The following CACNB2 variants were observed in gnomAD, a reference collection of about 807,000 sequenced individuals.
The protein encoded by CACNB2 is voltage-dependent L-type calcium channel subunit beta-2.
CACNB2 carries 42 observed loss-of-function variants against 73.3 expected under a neutral mutation model. The ratio of observed to expected loss-of-function variants is 0.57; its 90% CI spans 0.45 to 0.74. The LOEUF (loss-of-function observed/expected upper bound fraction) is 0.74, where lower values mean the gene tolerates loss of function less well. Ranked by LOEUF, CACNB2 falls within the 30% of genes least tolerant of loss-of-function variation. CACNB2 has a pLI of 0.00. For synonymous variants in CACNB2, 348 were observed against 310.3 expected (o/e 1.12, Z -1.28); for missense variants, 940 against 853.0 (o/e 1.10, Z -1.27).
intron 2 of CACNB2, among the ~76,000 whole-genome samples, chr10:18,351,274 T>A (rs1034876662): frequency 5.9e-5 from 9 of 152,152 alleles, no homozygotes; most frequent in Non-Finnish European, 1.3e-4. Flanking sequence ...ATATTCTGTA[T>A]CCCGTCATCA....
chr10:18,425,328 T>G (rs1414623318), intron 3 of CACNB2, among the ~76,000 whole-genome samples: 1 of 152,212 alleles, frequency 6.6e-6, no homozygotes, highest in Non-Finnish European at 1.5e-5. Flanking sequence ...GTCCGATGTA[T>G]CTATCTTTTC....
intron 2 of CACNB2, among the ~76,000 whole-genome samples, chr10:18,291,374 A>G (rs1016794286): frequency 1.3e-5 from 2 of 152,196 alleles, no homozygotes; most frequent in Non-Finnish European, 2.9e-5. Context: ...TGAACAGCCG[A>G]GAGAGGAACA....
chr10:18,167,044 C>T (rs1234362242), intron 2 of CACNB2, among the ~76,000 whole-genome samples: 15 of 152,192 alleles, frequency 9.9e-5, no homozygotes, highest in South Asian at 2.1e-4. Flanking sequence ...GGCTGGCCCT[C>T]CAGCCTCCCT....
chr10:18,179,657 G>A (rs559377377), intron 2 of CACNB2, among the ~76,000 whole-genome samples: 2 of 151,264 alleles, frequency 1.3e-5, no homozygotes, highest in South Asian at 2.1e-4. Context: ...TTAGCACTGT[G>A]TGCTTTAGTT....
chr10:18,500,155 G>C (rs1286488628), intron 4 of CACNB2, among the ~76,000 whole-genome samples: 1 of 152,156 alleles, frequency 6.6e-6, no homozygotes, highest in African/African-American at 2.4e-5. Context: ...CTGAAAGGGG[G>C]ATCTTTCCAC....
chr10:18,464,641 A>G (rs1335607548), intron 3 of CACNB2, among the ~76,000 whole-genome samples: 1 of 152,014 alleles, frequency 6.6e-6, no homozygotes, highest in Non-Finnish European at 1.5e-5. Context: ...TGTTGTTTCT[A>G]TAATAACTCT....
At chr10:18,290,668 T>TC (rs1414596610) in intron 2 of CACNB2, among the ~76,000 whole-genome samples, 1 of 152,240 alleles carries the variant, frequency 6.6e-6, no homozygotes, top group Admixed American at 6.5e-5. Flanking sequence ...CCAAATGTTT[T>TC]CTTGGTAGCA....
chr10:18,275,289 T>A (rs1488423049), intron 2 of CACNB2, among the ~76,000 whole-genome samples: 1 of 152,224 alleles, frequency 6.6e-6, no homozygotes, highest in Non-Finnish European at 1.5e-5. Flanking sequence ...ATGTGCCATC[T>A]AAATACTAGC....
At chr10:18,473,982 C>T (rs996927352) in intron 3 of CACNB2, among the ~76,000 whole-genome samples, 13 of 152,108 alleles carry the variant, frequency 8.5e-5, no homozygotes, top group Non-Finnish European at 1.6e-4. Context: ...GCTGGGCTTC[C>T]GTTTTTCATT....
At chr10:18,455,153 T>C (rs186918751) in intron 3 of CACNB2, among the ~76,000 whole-genome samples, 90 of 152,090 alleles carry the variant, frequency 5.9e-4, no homozygotes, top group Non-Finnish European at 1.0e-3. Context: ...GAAAAAGCAT[T>C]AAAAGGTGCA....
At chr10:18,205,133 ACTTTC>A (rs2035037765) in intron 2 of CACNB2, among the ~76,000 whole-genome samples, 2 of 152,128 alleles carry the variant, frequency 1.3e-5, no homozygotes, top group South Asian at 4.1e-4. Context: ...AATTTCCTGG[ACTTTC>A]CTTTCAACAT....
intron 2 of CACNB2, among the ~76,000 whole-genome samples, chr10:18,364,108 A>G (rs886929951): frequency 1.3e-5 from 2 of 151,018 alleles, no homozygotes; most frequent in Non-Finnish European, 3.0e-5. Flanking sequence ...TACCACACCC[A>G]GTTGATTTTG....
chr10:18,339,946 A>AT (rs2041165798), intron 2 of CACNB2, among the ~76,000 whole-genome samples: 1 of 152,162 alleles, frequency 6.6e-6, no homozygotes, highest in African/African-American at 2.4e-5. Context: ...AGATTTTCAG[A>AT]TTTTTTAAAA....
At chr10:18,232,290 A>G (rs2036253626) in intron 2 of CACNB2, among the ~76,000 whole-genome samples, 1 of 152,158 alleles carries the variant, frequency 6.6e-6, no homozygotes, top group Non-Finnish European at 1.5e-5. Flanking sequence ...AATTATTATT[A>G]TTATTATCAT....
Position 18,535,905 on chromosome 10 carries a change from A to G in CACNB2, c.1207-196A>G, listed in dbSNP as rs538060724. ...AAATGTTTGAGAGCTGCTAGCATAG[A>G]AAAAATGTGAGTGCTTAAAGCTTGC... On this transcript the variant is annotated intron_variant, in intron 11 of 13. Transcript: ENST00000324631. 2.0e-5 allele frequency among the ~76,000 whole-genome samples: 3 copies of G among 152,260 alleles called. No individual in the cohort carries two copies. In the South Asian group the frequency reaches 6.2e-4, roughly 32 times the overall value.
At chr10:18,225,578 CTCCT>C (rs56364247) in intron 2 of CACNB2, among the ~76,000 whole-genome samples, 76,842 of 136,834 alleles carry the variant, frequency 0.56, 21,746 homozygotes, top group African/African-American at 0.57. Context: ...CCCTCCCTCG[CTCCT>C]TCCTTCCTTC....
intron 7 of CACNB2, among the ~76,000 whole-genome samples, chr10:18,515,867 T>C (rs2051223425): frequency 6.6e-6 from 1 of 152,228 alleles, no homozygotes; most frequent in Non-Finnish European, 1.5e-5. Context: ...TGAAGTTTGC[T>C]TACCTTTAAA....
intron 2 of CACNB2, among the ~76,000 whole-genome samples, chr10:18,267,626 A>T (rs1407465531): frequency 6.6e-6 from 1 of 152,210 alleles, no homozygotes; most frequent in Non-Finnish European, 1.5e-5. Flanking sequence ...ACAAAAAAAT[A>T]AAAAGGGAAA....
intron 9 of CACNB2, chr10:18,519,686 G>A (rs1213394859): frequency 2.9e-5 from 13 of 455,776 alleles, no homozygotes; most frequent in Middle Eastern, 3.2e-4. Context: ...TATTGCTCTA[G>A]GTGTCTCATT....
Sources: gnomAD v4.1 joint callset for allele counts (sites outside exome capture counted in the v4.1 genomes callset) on GRCh38, gnomAD v4.1.1 for gene constraint, MANE v1.5 for transcripts, NCBI Gene and HGNC (gene_info 2026-07-23, HGNC 2026-07-21) for gene names.